ADAM2: variants seen among roughly 807,000 people sequenced by gnomAD.
ADAM2 encodes ADAM metallopeptidase domain 2.
ADAM2 carries 101 observed loss-of-function variants against 99.3 expected under a neutral mutation model. The observed-to-expected ratio is 1.02, with a 90% confidence interval of 0.87 to 1.20. The LOEUF (loss-of-function observed/expected upper bound fraction) is 1.20. ADAM2 is among the 50% of genes most tolerant of loss of function. The pLI is 0.00. For missense variants in ADAM2, 948 were observed against 878.7 expected, an observed-to-expected ratio of 1.08 and a Z score of -1.00; for synonymous variants, 323 against 287.6, an observed-to-expected ratio of 1.12 and a Z score of -1.25.
chr8:39,802,031 C>A (rs1804237352), intron 7 of ADAM2, among the ~76,000 whole-genome samples: 1 of 152,240 alleles, frequency 6.6e-6, no homozygotes. Flanking sequence ...GGCTGCCCCT[C>A]CCTGGGGAGT....
At chr8:39,760,218 A>G (rs780109757) in intron 15 of ADAM2, among the ~76,000 whole-genome samples, 6 of 152,184 alleles carry the variant, frequency 3.9e-5, no homozygotes, top group Admixed American at 2.0e-4. Context: ...TAGCACTCAT[A>G]TAGTACATAC....
At chr8:39,756,192 C>T (rs1329299064) in intron 15 of ADAM2, among the ~76,000 whole-genome samples, 2 of 152,098 alleles carry the variant, frequency 1.3e-5, no homozygotes, top group African/African-American at 4.8e-5. Flanking sequence ...CCTAATATTC[C>T]CTAGTTAGCC....
At position 39,760,892 on chromosome 8, in the gene ADAM2, A is replaced by T. The variant is rs974410909; in HGVS notation, c.1613+284T>A. 9.7e-4 allele frequency among the ~76,000 whole-genome samples: 141 copies of T among 145,416 alleles called. 2 individuals carry two copies. The highest frequency in any genetic ancestry group is 1.1e-3 in the Non-Finnish European group (77 of 67,208). On this transcript the variant is annotated intron_variant, in intron 15 of 20. Transcript: ENST00000265708. ...AGTGAGACTCCATCTCAAAAAAAAA[A>T]AAAAAAAAAAAAAAAAAAATTAAAG...
intron 11 of ADAM2, among the ~76,000 whole-genome samples, chr8:39,773,756 T>C (rs1481659173): frequency 6.6e-6 from 1 of 151,940 alleles, no homozygotes; most frequent in African/African-American, 2.4e-5. Context: ...TCCGGACAGC[T>C]TCACTGATAA....
chr8:39,780,559 T>A (rs757470951), intron 10 of ADAM2, among the ~76,000 whole-genome samples: 7 of 152,244 alleles, frequency 4.6e-5, no homozygotes, highest in Non-Finnish European at 8.8e-5. Flanking sequence ...GCCCAGTCAA[T>A]AGAAAGTCAA....
chr8:39,775,007 G>A (rs72642841), intron 11 of ADAM2, among the ~76,000 whole-genome samples: 6,470 of 152,116 alleles, frequency 0.043, 188 homozygotes, highest in Non-Finnish European at 0.066. Context: ...AAGAAAGAGA[G>A]GGGGAGGAAA....
chr8:39,787,981 A>T, intron 9 of ADAM2, 104 bp downstream of exon 9: 1 of 757,638 alleles, frequency 1.3e-6, no homozygotes, highest in Non-Finnish European at 1.9e-6. Context: ...GTGTGTGAGA[A>T]AAAAATAGAT....
intron 10 of ADAM2, among the ~76,000 whole-genome samples, chr8:39,781,066 TG>T (rs1468715284): frequency 6.6e-6 from 1 of 151,786 alleles, no homozygotes; most frequent in African/African-American, 2.4e-5. Flanking sequence ...TGGAGTGCAG[TG>T]GCGCCATCTT....
At chr8:39,819,445 G>C (rs1319406874) in intron 6 of ADAM2, among the ~76,000 whole-genome samples, 1 of 152,094 alleles carries the variant, frequency 6.6e-6, no homozygotes, top group Non-Finnish European at 1.5e-5. Context: ...ATATTGGTGT[G>C]ATGATTAATT....
At chr8:39,797,096 T>C (rs1355928709) in intron 7 of ADAM2, among the ~76,000 whole-genome samples, 1 of 152,242 alleles carries the variant, frequency 6.6e-6, no homozygotes, top group East Asian at 1.9e-4. Context: ...CAATTGCTTT[T>C]GGTATTTTTG....
intron 16 of ADAM2, among the ~76,000 whole-genome samples, chr8:39,752,274 G>A (rs935428358): frequency 2.6e-5 from 4 of 152,168 alleles, no homozygotes; most frequent in African/African-American, 9.6e-5. Flanking sequence ...AGTCTGGGGA[G>A]GTACATCAGA....
chr8:39,761,242 T>C lies in ADAM2; in HGVS notation c.1547A>G (p.Asn516Ser). The C allele has an allele frequency of 6.2e-7, 1 of 1,605,506 alleles. No homozygotes were observed. Reference protein sequence around the residue: ...FGPSECYSHLNSKTDVSGNCG... With the variant: ...FGPSECYSHLSSKTDVSGNCG... ...GTTTCCAGATACATCAGTCTTTGAA[T>C]TAAGGTGAGAATAACATTCTGAAGG... The change falls in exon 15 of 21, where the codon AAT becomes AGT. Residue 516 changes from asparagine (N) to serine (S), a missense_variant. Transcript: ENST00000265708.
intron 16 of ADAM2, among the ~76,000 whole-genome samples, chr8:39,753,053 TG>T (rs1360417575): frequency 6.6e-6 from 1 of 152,128 alleles, no homozygotes; most frequent in East Asian, 1.9e-4. Context: ...ATTTTGGAAC[TG>T]GGTAACAGCC....
At chr8:39,807,994 G>T (rs1804510202) in intron 7 of ADAM2, among the ~76,000 whole-genome samples, 1 of 152,034 alleles carries the variant, frequency 6.6e-6, no homozygotes, top group Non-Finnish European at 1.5e-5. Context: ...ACATTAAATG[G>T]TGAATCTATG....
intron 10 of ADAM2, 82 bp from the exon 11 acceptor site, chr8:39,777,243 G>T (rs1427579559): frequency 1.1e-5 from 13 of 1,153,902 alleles, no homozygotes; most frequent in Non-Finnish European, 1.6e-5. Flanking sequence ...AAGATCACAT[G>T]ATAAAATGGA....
chr8:39,796,309 G>C (rs1032502353), intron 7 of ADAM2, among the ~76,000 whole-genome samples: 2 of 152,144 alleles, frequency 1.3e-5, no homozygotes, highest in African/African-American at 4.8e-5. Context: ...TTCTGTTCCT[G>C]TGTTAGTTGG....
intron 6 of ADAM2, 81 bp from the exon 7 acceptor site, chr8:39,809,547 T>A: frequency 1.6e-6 from 1 of 635,124 alleles, no homozygotes; most frequent in Non-Finnish European, 2.8e-6. Flanking sequence ...ATTAATGAAC[T>A]AAATATTGAA....
At chr8:39,824,284 A>AT (rs1358200180) in intron 4 of ADAM2, among the ~76,000 whole-genome samples, 1 of 151,770 alleles carries the variant, frequency 6.6e-6, no homozygotes, top group Non-Finnish European at 1.5e-5. Flanking sequence ...CAAAAAAAAA[A>AT]AAAAAAAAAA....
chr8:39,809,340 T>C (rs1182384430), intron 7 of ADAM2, 70 bp downstream of exon 7: 1 of 702,324 alleles, frequency 1.4e-6, no homozygotes, highest in Non-Finnish European at 2.4e-6. Flanking sequence ...GTTAAAAATA[T>C]ATTCCAAATT....
Sources: allele counts gnomAD v4.1 joint callset (sites outside exome capture counted in the v4.1 genomes callset), GRCh38; gene constraint gnomAD v4.1.1; transcripts MANE v1.5; gene names NCBI Gene and HGNC (gene_info 2026-07-23, HGNC 2026-07-21).